Variants in DNAH3 observed in about 807,000 individuals in gnomAD.
DNAH3 encodes dynein axonemal heavy chain 3.
A neutral mutation model predicts 432.5 loss-of-function variants in DNAH3; 332 were observed. The observed-to-expected ratio is 0.77, with a 90% CI of 0.70 to 0.84. The LOEUF (loss-of-function observed/expected upper bound fraction) is 0.84, where lower values mean the gene tolerates loss of function less well. Among genes scored for constraint, DNAH3 ranks in the 40% least tolerant of loss-of-function variants. The pLI, the probability that DNAH3 is intolerant of heterozygous loss-of-function variation, is 0.00. For synonymous variants in DNAH3, 1,956 were observed against 1,900.2 expected (o/e 1.03, Z -0.76); for missense variants, 4,861 against 5,114.0 (o/e 0.95, Z 1.51).
chr16:20,986,524 T>C (rs1378467311), intron 47 of DNAH3, among the ~76,000 whole-genome samples: 1 of 152,084 alleles, frequency 6.6e-6, no homozygotes, highest in Non-Finnish European at 1.5e-5. Flanking sequence ...AAATATTTTT[T>C]TTGTTAAAAG....
At chr16:21,038,063 C>T (rs1597208994) in intron 33 of DNAH3, 83 bp from the exon 34 acceptor site, 4 of 1,261,644 alleles carry the variant, frequency 3.2e-6, no homozygotes, top group Non-Finnish European at 4.5e-6. Context: ...CTTGTCCTTG[C>T]CCCGTCAGCA....
intron 7 of DNAH3, among the ~76,000 whole-genome samples, chr16:21,130,779 G>C (rs937316482): frequency 6.6e-6 from 1 of 152,122 alleles, no homozygotes; most frequent in Admixed American, 6.5e-5. Flanking sequence ...TTTGCTACGA[G>C]ATCAATTTAA....
At chr16:21,026,989 C>G (rs2152719259) in intron 38 of DNAH3, 38 bp downstream of exon 38, 1 of 1,472,860 alleles carries the variant, frequency 6.8e-7, no homozygotes, top group Non-Finnish European at 9.5e-7. Flanking sequence ...TGAGTGGAGC[C>G]ACACTGTCCC....
At chr16:21,153,710 C>G (rs1266380069) in intron 1 of DNAH3, among the ~76,000 whole-genome samples, 2 of 152,076 alleles carry the variant, frequency 1.3e-5, no homozygotes, top group East Asian at 3.9e-4. Context: ...CCGAACACAT[C>G]CGAGCATCAG....
chr16:21,026,649 C>T (rs2088571593), intron 38 of DNAH3, among the ~76,000 whole-genome samples: 1 of 134,576 alleles, frequency 7.4e-6, no homozygotes, highest in Admixed American at 8.5e-5. Flanking sequence ...TGCAGTGAGT[C>T]GAGATCATGC....
rs1555545823 is a variant in DNAH3 at position 21,067,764 on chromosome 16, G to GGGT, written c.3382-346_3382-345insACC. On this transcript the variant is annotated intron_variant, in intron 23 of 61. Coordinates refer to ENST00000261383, the Ensembl canonical transcript of DNAH3. Reference sequence around the variant, plus strand: ...GATAGAGAAAGCCAGTCTTGGGGGGGGGGGTGGGGAGGGAGAGAGAGAGAG... The same window carrying GGGT: ...GATAGAGAAAGCCAGTCTTGGGGGGGGGTGGGGTGGGGAGGGAGAGAGAGAGAG... Among the ~76,000 whole-genome samples, 278 of 39,620 alleles carry GGGT rather than the reference G, an allele frequency of 7.0e-3. 2 individuals are homozygous for GGGT. The highest frequency in any genetic ancestry group is 0.017 in the African/African-American group (162 of 9,790). The allele number at this position is 39,620 out of a possible 152,430, so 26.0% of individuals were successfully genotyped here. A position where few individuals can be genotyped will look rare whatever the true frequency, so the allele number is the denominator to read the frequency against.
At chr16:21,049,937 T>C in exon 30 of DNAH3, 1 of 1,614,168 alleles carries the variant, frequency 6.2e-7, no homozygotes, top group Non-Finnish European at 8.5e-7. Flanking sequence ...TGGCCAAATC[T>C]TTGGTGGTTT....
intron 51 of DNAH3, among the ~76,000 whole-genome samples, chr16:20,973,315 C>A (rs951006621): frequency 6.6e-6 from 1 of 151,816 alleles, no homozygotes; most frequent in Non-Finnish European, 1.5e-5. Context: ...TGCATTGGTG[C>A]GATCTCAACG....
At chr16:20,993,723 G>A (rs543948454) in intron 44 of DNAH3, among the ~76,000 whole-genome samples, 22 of 151,704 alleles carry the variant, frequency 1.5e-4, no homozygotes, top group Admixed American at 7.9e-4. Flanking sequence ...TTGCTCTGTC[G>A]CCCTGGTTGC....
chr16:21,152,883 C>G (rs557127475), intron 1 of DNAH3, among the ~76,000 whole-genome samples: 198 of 152,374 alleles, frequency 1.3e-3, no homozygotes, highest in African/African-American at 2.3e-3. Context: ...CCTCCCACCC[C>G]CTCCGTGGGC....
chr16:21,151,070 GCA>G (rs796711891), intron 1 of DNAH3, among the ~76,000 whole-genome samples: 86 of 152,310 alleles, frequency 5.6e-4, no homozygotes, highest in African/African-American at 2.0e-3. Flanking sequence ...ACGTCGAAAA[GCA>G]CAGAGTATGG....
intron 54 of DNAH3, among the ~76,000 whole-genome samples, chr16:20,956,690 G>A (rs1400202851): frequency 1.3e-5 from 2 of 151,906 alleles, no homozygotes; most frequent in African/African-American, 4.8e-5. Context: ...AAAGATTAAG[G>A]CACAACGCTT....
chr16:21,133,310 T>C (rs1222026546), intron 7 of DNAH3, among the ~76,000 whole-genome samples: 1 of 138,322 alleles, frequency 7.2e-6, no homozygotes, highest in Non-Finnish European at 1.5e-5. Context: ...TTGCAGTGAA[T>C]CGAGATTATG....
At chr16:21,050,984 C>T (rs1218471665) in intron 29 of DNAH3, among the ~76,000 whole-genome samples, 1 of 152,056 alleles carries the variant, frequency 6.6e-6, no homozygotes, top group Non-Finnish European at 1.5e-5. Context: ...TGAGGTCATG[C>T]ATGGTGCACA....
chr16:21,081,775 GTC>G, intron 19 of DNAH3, 48 bp from the exon 20 acceptor site: 2 of 1,500,468 alleles, frequency 1.3e-6, no homozygotes, highest in Non-Finnish European at 1.9e-6. Context: ...AGGCAGTGCT[GTC>G]CAGTAGAACC....
exon 47 of DNAH3, chr16:20,987,439 T>C: frequency 1.9e-6 from 3 of 1,613,980 alleles, no homozygotes; most frequent in Non-Finnish European, 2.5e-6. Flanking sequence ...CGGATACATT[T>C]TTCTACATCC....
intron 41 of DNAH3, among the ~76,000 whole-genome samples, chr16:21,018,440 G>A (rs1489245685): frequency 6.6e-6 from 1 of 151,916 alleles, no homozygotes; most frequent in East Asian, 1.9e-4. Context: ...TTTATATAAT[G>A]TCTTACTTGG....
rs768646066 is a variant in DNAH3, at chr16:21,034,028, C to T, written c.5143G>A (p.Gly1715Ser). Reference sequence around the variant, plus strand: ...AACACTTTATAAGCAGAGGTCTTGCCGCCCATGGGGTCTCCTACAATCATA... The same window carrying T: ...AACACTTTATAAGCAGAGGTCTTGCTGCCCATGGGGTCTCCTACAATCATA... The change falls in exon 36 of 62, where the codon GGC (glycine) becomes AGC (serine). Residue 1715 changes from glycine (G) to serine (S), a missense_variant. Coordinates refer to ENST00000261383, the Ensembl canonical transcript of DNAH3. 8.7e-5 allele frequency: 140 copies of T among 1,613,676 alleles called. No individual in the cohort carries two copies. In the East Asian group the frequency reaches 1.5e-3, roughly 18 times the overall value.
chr16:20,941,393 T>G lies in DNAH3; in HGVS notation c.11654+8A>C, dbSNP rs765976614. ...CTCCCAGGATTCAAGCTACATCATC[T>G]GGCCCACCTGTTGAATCTGATGAGC... On this transcript the variant is annotated splice_region_variant and intron_variant, in intron 59 of 61. Coordinates refer to ENST00000261383, the Ensembl canonical transcript of DNAH3. The G allele has an allele frequency of 8.1e-6, 13 of 1,613,758 alleles. No individual in the cohort carries two copies. The East Asian group carries it at 2.7e-4, about 33-fold the overall frequency.
Sources: allele counts gnomAD v4.1 joint callset (sites outside exome capture counted in the v4.1 genomes callset), GRCh38; gene constraint gnomAD v4.1.1; transcripts MANE v1.5; gene names NCBI Gene and HGNC (gene_info 2026-07-23, HGNC 2026-07-21).